Variants in PDIA5 observed in about 807,000 individuals in gnomAD.
PDIA5 encodes protein disulfide isomerase family A member 5.
A neutral mutation model predicts 77.6 loss-of-function variants in PDIA5; 58 were observed. The observed-to-expected ratio is 0.75, with a 90% CI of 0.61 to 0.93. The LOEUF (loss-of-function observed/expected upper bound fraction) is 0.93, where lower values mean the gene tolerates loss of function less well. Among genes scored for constraint, PDIA5 ranks in the 40% least tolerant of loss-of-function variants. PDIA5 has a pLI of 0.00. For missense variants in PDIA5, 630 were observed against 647.7 expected (o/e 0.97, Z 0.30); for synonymous variants, 250 against 252.1 (o/e 0.99, Z 0.08).
chr3:123,090,348 G>T (rs945446921), intron 2 of PDIA5, among the ~76,000 whole-genome samples: 1 of 152,214 alleles, frequency 6.6e-6, no homozygotes, highest in African/African-American at 2.4e-5. Flanking sequence ...AAAACGTGTG[G>T]CTTGCTGCCT....
intron 11 of PDIA5, among the ~76,000 whole-genome samples, chr3:123,132,280 C>T (rs1935387287): frequency 1.3e-5 from 2 of 152,184 alleles, no homozygotes; most frequent in South Asian, 4.1e-4. Context: ...GCCTCCCCTT[C>T]CCCCACAGTA....
In PDIA5 at chr3:123,108,617, C is replaced by G. The variant is rs1560520586; in HGVS notation, c.480+1776C>G. On this transcript the variant is annotated intron_variant, in intron 6 of 16. Transcript: ENST00000316218. ...TTTTAAAAAGCATGTGGGCCCGGCA[C>G]TGGCTCACGCCTGTAATCCCAGCAC... Among the ~76,000 whole-genome samples the G allele has an allele frequency of 1.1e-4, 16 of 147,252 alleles. 1 individual carries two copies. The East Asian group carries it at 2.2e-3, about 20-fold the overall frequency.
At chr3:123,157,108 C>T (rs1936038510) in intron 15 of PDIA5, among the ~76,000 whole-genome samples, 1 of 152,216 alleles carries the variant, frequency 6.6e-6, no homozygotes, top group South Asian at 2.1e-4. Flanking sequence ...TTCCCTCTGT[C>T]TCTCCTTTCA....
At chr3:123,111,973 G>T (rs1934874010) in intron 7 of PDIA5, among the ~76,000 whole-genome samples, 1 of 152,094 alleles carries the variant, frequency 6.6e-6, no homozygotes, top group Admixed American at 6.6e-5. Flanking sequence ...TTTTGTAAAG[G>T]TTTATTAGAA....
At chr3:123,151,874 C>CCTTCCTGCCT in intron 14 of PDIA5, among the ~76,000 whole-genome samples, 1 of 101,068 alleles carries the variant, frequency 9.9e-6, no homozygotes, top group Non-Finnish European at 2.0e-5. Context: ...CCTTCCTGCC[C>CCTTCCTGCCT]GCCTTCCTGC....
intron 1 of PDIA5, among the ~76,000 whole-genome samples, chr3:123,088,916 C>T (rs1036307128): frequency 2.0e-5 from 3 of 152,102 alleles, no homozygotes; most frequent in Non-Finnish European, 4.4e-5. Context: ...GCGGAACCTG[C>T]GAGATAGAGG....
At chr3:123,119,358 T>C (rs1321108239) in intron 8 of PDIA5, among the ~76,000 whole-genome samples, 1 of 152,216 alleles carries the variant, frequency 6.6e-6, no homozygotes, top group Non-Finnish European at 1.5e-5. Context: ...AGGGGCGTTG[T>C]CTGCAAAGCT....
rs188058859 is a variant in PDIA5 at position 123,081,130 on chromosome 3, G to A, written c.43-8038G>A. Among the ~76,000 whole-genome samples, 131 of 152,246 alleles carry A rather than the reference G, an allele frequency of 8.6e-4. 1 individual carries two copies. Among genetic ancestry groups the A allele is most frequent in the African/African-American group, 2.9e-3 (120 of 41,552 alleles). On this transcript the variant is annotated intron_variant, in intron 1 of 16. Transcript: ENST00000316218. Reference sequence around the variant, plus strand: ...GACTGAGAGATAAGGCTTTTATTGCGGGTGGCCACATGCCCAGGGAAACTC... The same window carrying A: ...GACTGAGAGATAAGGCTTTTATTGCAGGTGGCCACATGCCCAGGGAAACTC...
At chr3:123,161,045 A>C (rs1936148512) in intron 15 of PDIA5, among the ~76,000 whole-genome samples, 1 of 152,142 alleles carries the variant, frequency 6.6e-6, no homozygotes, top group African/African-American at 2.4e-5. Context: ...TCAAGTCATC[A>C]TTTCCTTTAC....
In PDIA5 at chr3:123,158,236, C is replaced by T. The variant is rs552786291; in HGVS notation, c.1345-3085C>T. On this transcript the variant is annotated intron_variant, in intron 15 of 16. Transcript: ENST00000316218. ...GAAAGCATTTCTTACATCATGTTGT[C>T]CTTACAATAGCTTGCTCAACTAGGT... 4.5e-4 allele frequency among the ~76,000 whole-genome samples: 69 copies of T among 152,320 alleles called. No individual in the cohort carries two copies. In the South Asian group the frequency reaches 0.014, roughly 30 times the overall value.
intron 5 of PDIA5, among the ~76,000 whole-genome samples, chr3:123,103,723 A>G (rs1303048509): frequency 1.3e-5 from 2 of 152,046 alleles, no homozygotes; most frequent in Non-Finnish European, 2.9e-5. Flanking sequence ...TTCACCTTAT[A>G]TAGGGACTCA....
intron 3 of PDIA5, among the ~76,000 whole-genome samples, chr3:123,099,286 A>G (rs1258573715): frequency 6.6e-6 from 1 of 152,218 alleles, no homozygotes; most frequent in Non-Finnish European, 1.5e-5. Context: ...TCAGCCATTC[A>G]GTCAGGTGAT....
intron 1 of PDIA5, among the ~76,000 whole-genome samples, chr3:123,070,694 C>A (rs188613268): frequency 2.0e-5 from 3 of 152,166 alleles, no homozygotes; most frequent in Admixed American, 6.5e-5. Context: ...CCCATCCCTG[C>A]GCTGACTGCC....
intron 1 of PDIA5, among the ~76,000 whole-genome samples, chr3:123,087,047 T>C (rs1934158634): frequency 6.6e-6 from 1 of 152,264 alleles, no homozygotes; most frequent in African/African-American, 2.4e-5. Context: ...GGTTAGGGTC[T>C]CCCCTTTGTC....
intron 16 of PDIA5, 159 bp downstream of exon 16, chr3:123,161,614 G>T: frequency 5.1e-6 from 4 of 783,646 alleles, no homozygotes; most frequent in Non-Finnish European, 8.0e-6. Context: ...GCTGAGGCTT[G>T]ACATTGTTGG....
intron 11 of PDIA5, among the ~76,000 whole-genome samples, chr3:123,136,882 T>C (rs986107924): frequency 6.6e-6 from 1 of 152,210 alleles, no homozygotes; most frequent in Non-Finnish European, 1.5e-5. Flanking sequence ...TATTGGCACA[T>C]AAATCTACCT....
chr3:123,156,789 T>G (rs1204060055), intron 15 of PDIA5, among the ~76,000 whole-genome samples: 2 of 150,242 alleles, frequency 1.3e-5, no homozygotes, highest in East Asian at 3.9e-4. Context: ...GTGGTCCAGC[T>G]GAGGCACCGA....
chr3:123,161,604 G>T, intron 16 of PDIA5, 149 bp downstream of exon 16: 1 of 848,922 alleles, frequency 1.2e-6, no homozygotes, highest in Non-Finnish European at 1.8e-6. Flanking sequence ...CCTGGGCCTG[G>T]CTGAGGCTTG....
chr3:123,132,331 C>T (rs1301138142), intron 11 of PDIA5, among the ~76,000 whole-genome samples: 2 of 152,214 alleles, frequency 1.3e-5, no homozygotes, highest in African/African-American at 4.8e-5. Context: ...CATAAACATA[C>T]TCTTACCATG....
Sources: gnomAD v4.1 joint callset for allele counts (sites outside exome capture counted in the v4.1 genomes callset) on GRCh38, gnomAD v4.1.1 for gene constraint, MANE v1.5 for transcripts, NCBI Gene and HGNC (gene_info 2026-07-23, HGNC 2026-07-21) for gene names.